EPHA6: variants seen among roughly 807,000 people sequenced by gnomAD.
EPHA6 encodes the protein EPH receptor A6, also known as ephrin type-A receptor 6.
In EPHA6, 50 loss-of-function variants were observed where a neutral mutation model predicts 112.0. The observed-to-expected ratio is 0.45, with a 90% CI of 0.36 to 0.56. The LOEUF (loss-of-function observed/expected upper bound fraction) is 0.56. Among genes scored for constraint, EPHA6 ranks in the 20% least tolerant of loss-of-function variants. The pLI is 0.00. For synonymous variants in EPHA6, 529 were observed against 490.7 expected (o/e 1.08, Z -1.03); for missense variants, 1,280 against 1,417.4 (o/e 0.90, Z 1.56).
At chr3:97,700,444 C>T (rs1298564116) in intron 14 of EPHA6, among the ~76,000 whole-genome samples, 1 of 152,138 alleles carries the variant, frequency 6.6e-6, no homozygotes, top group Non-Finnish European at 1.5e-5. Context: ...CTGGACCTGG[C>T]TGGGTAGAGG....
chr3:97,485,036 AG>A (rs1458825857), intron 10 of EPHA6, among the ~76,000 whole-genome samples: 9 of 152,332 alleles, frequency 5.9e-5, no homozygotes, highest in Non-Finnish European at 2.9e-5. Context: ...ACATTTATGC[AG>A]GGGGGCTGTT....
intron 2 of EPHA6, among the ~76,000 whole-genome samples, chr3:96,873,629 C>T (rs1346477755): frequency 6.6e-6 from 1 of 152,096 alleles, no homozygotes; most frequent in Admixed American, 6.6e-5. Context: ...TTCATTCAAT[C>T]TAAACAATAA....
chr3:97,379,047 T>C (rs1036227573), intron 5 of EPHA6, among the ~76,000 whole-genome samples: 6 of 152,170 alleles, frequency 3.9e-5, no homozygotes, highest in African/African-American at 1.4e-4. Context: ...CCAGATCTCA[T>C]CTTCAGCTGT....
chr3:97,635,697 G>A (rs2093939095), intron 13 of EPHA6, among the ~76,000 whole-genome samples: 1 of 151,964 alleles, frequency 6.6e-6, no homozygotes, highest in African/African-American at 2.4e-5. Flanking sequence ...CTTTTCAGAG[G>A]GGATGACGAA....
rs561888439 is a variant in EPHA6, at chr3:97,044,452, A to G, written c.1114+56459A>G. ...AACCATTTTTGCATAAGAAAATGAT[A>G]GTTAGAATTATCCTACAACTTTCTT... On this transcript the variant is annotated intron_variant, in intron 3 of 17. Transcript: ENST00000389672. 2.4e-4 allele frequency among the ~76,000 whole-genome samples: 37 copies of G among 152,308 alleles called. 1 individual carries two copies. Among genetic ancestry groups the G allele is most frequent in the African/African-American group, 6.5e-4 (27 of 41,590 alleles).
At chr3:97,215,406 G>A (rs2078004841) in intron 3 of EPHA6, among the ~76,000 whole-genome samples, 1 of 152,084 alleles carries the variant, frequency 6.6e-6, no homozygotes, top group Admixed American at 6.5e-5. Flanking sequence ...TCAATTTTCT[G>A]TGGATAATGA....
At chr3:97,533,658 A>T (rs1385471583) in intron 11 of EPHA6, among the ~76,000 whole-genome samples, 2 of 152,058 alleles carry the variant, frequency 1.3e-5, no homozygotes, top group East Asian at 3.9e-4. Flanking sequence ...AGCAAGTGTG[A>T]TGCAAGTAAA....
At chr3:97,648,244 A>G (rs2094081373) in intron 14 of EPHA6, 1 of 793,546 alleles carries the variant, frequency 1.3e-6, no homozygotes, top group Non-Finnish European at 2.2e-6. Flanking sequence ...GCATAATTAC[A>G]GTTCTGTTAA....
At chr3:97,473,033 G>A (rs996832744) in intron 7 of EPHA6, among the ~76,000 whole-genome samples, 9 of 151,614 alleles carry the variant, frequency 5.9e-5, no homozygotes, top group Non-Finnish European at 1.0e-4. Flanking sequence ...ATGAATTGAC[G>A]CTCATAGTTT....
chr3:96,986,164 G>A (rs2043014350), intron 2 of EPHA6, among the ~76,000 whole-genome samples: 1 of 152,110 alleles, frequency 6.6e-6, no homozygotes, highest in South Asian at 2.1e-4. Flanking sequence ...CAGTATAGAA[G>A]TATGCAATAT....
At chr3:97,684,608 G>A (rs966985927) in intron 14 of EPHA6, among the ~76,000 whole-genome samples, 3 of 152,148 alleles carry the variant, frequency 2.0e-5, no homozygotes, top group Non-Finnish European at 4.4e-5. Flanking sequence ...CTTGGTATAG[G>A]AAGGGTTTCC....
At chr3:97,342,639 C>T (rs980953737) in intron 5 of EPHA6, among the ~76,000 whole-genome samples, 5 of 152,088 alleles carry the variant, frequency 3.3e-5, no homozygotes, top group Admixed American at 6.5e-5. Flanking sequence ...GAGGTAATTA[C>T]GTCATGAAGT....
At chr3:97,031,833 T>A (rs1337452489) in intron 3 of EPHA6, among the ~76,000 whole-genome samples, 1 of 152,092 alleles carries the variant, frequency 6.6e-6, no homozygotes, top group Non-Finnish European at 1.5e-5. Context: ...ATAGGAACAC[T>A]TTTACACTGT....
intron 9 of EPHA6, chr3:97,481,370 G>A (rs1213114114): frequency 6.5e-7 from 1 of 1,535,048 alleles, no homozygotes; most frequent in Non-Finnish European, 9.0e-7. Flanking sequence ...ATTCTGAGAA[G>A]GAGTTTCTAC....
At chr3:97,189,130 A>G (rs2077233821) in intron 3 of EPHA6, among the ~76,000 whole-genome samples, 1 of 152,042 alleles carries the variant, frequency 6.6e-6, no homozygotes, top group East Asian at 1.9e-4. Context: ...AGGTGTCCAT[A>G]AAATCTGGAA....
At chr3:97,131,474 G>A in intron 3 of EPHA6, among the ~76,000 whole-genome samples, 1 of 152,102 alleles carries the variant, frequency 6.6e-6, no homozygotes, top group East Asian at 1.9e-4. Context: ...GTTATTTGGT[G>A]CCAGATTTGT....
intron 5 of EPHA6, among the ~76,000 whole-genome samples, chr3:97,266,635 G>A (rs2079694759): frequency 6.6e-6 from 1 of 152,104 alleles, no homozygotes; most frequent in East Asian, 1.9e-4. Flanking sequence ...AAAAGCCTGG[G>A]TAGATTTGTA....
chr3:96,935,101 T>C (rs922054873), intron 2 of EPHA6, among the ~76,000 whole-genome samples: 1 of 151,874 alleles, frequency 6.6e-6, no homozygotes, highest in Non-Finnish European at 1.5e-5. Context: ...GGTTACTGTT[T>C]TAGCAACCTC....
intron 3 of EPHA6, among the ~76,000 whole-genome samples, chr3:97,152,709 G>A (rs957071694): frequency 6.6e-6 from 1 of 152,030 alleles, no homozygotes; most frequent in African/African-American, 2.4e-5. Flanking sequence ...CAATGAGAAT[G>A]GTCTTAATGA....
Sources: gnomAD v4.1 joint callset for allele counts (sites outside exome capture counted in the v4.1 genomes callset) on GRCh38, gnomAD v4.1.1 for gene constraint, MANE v1.5 for transcripts, NCBI Gene and HGNC (gene_info 2026-07-23, HGNC 2026-07-21) for gene names.